The following SLC25A21 variants were observed in gnomAD, a reference collection of about 807,000 sequenced individuals.
SLC25A21 encodes solute carrier family 25 member 21, also known as mitochondrial 2-oxodicarboxylate carrier.
In SLC25A21, 47 loss-of-function variants were observed where a neutral mutation model predicts 43.8. That is an observed-to-expected ratio of 1.07 (90% confidence interval 0.85 to 1.37). SLC25A21 has a LOEUF of 1.37. Ranked by LOEUF, SLC25A21 falls within the 40% of genes most tolerant of loss-of-function variation. SLC25A21 has a pLI of 0.00. For synonymous variants in SLC25A21, 131 were observed against 121.3 expected (o/e 1.08, Z -0.52); for missense variants, 352 against 350.2 (o/e 1.00, Z -0.04).
At chr14:37,032,617 G>A (rs1218379340) in intron 1 of SLC25A21, among the ~76,000 whole-genome samples, 1 of 136,272 alleles carries the variant, frequency 7.3e-6, no homozygotes, top group East Asian at 2.1e-4. Context: ...GTTGCAGTGA[G>A]CCAAGATCAT....
intron 1 of SLC25A21, among the ~76,000 whole-genome samples, chr14:36,977,365 G>C (rs957197729): frequency 6.6e-6 from 1 of 152,260 alleles, no homozygotes; most frequent in South Asian, 2.1e-4. Flanking sequence ...AGGCCCCCCT[G>C]TACATAGTAA....
intron 1 of SLC25A21, among the ~76,000 whole-genome samples, chr14:37,153,825 C>T (rs1351150069): frequency 2.0e-5 from 3 of 152,162 alleles, no homozygotes; most frequent in African/African-American, 4.8e-5. Context: ...CCCAGGGTCT[C>T]GACTGCTATC....
chr14:37,008,844 T>A (rs1960667175), intron 1 of SLC25A21, among the ~76,000 whole-genome samples: 1 of 152,192 alleles, frequency 6.6e-6, no homozygotes, highest in Non-Finnish European at 1.5e-5. Flanking sequence ...TAATTTTGTA[T>A]CAAAAGACTA....
chr14:37,083,946 C>A (rs1397092152), intron 1 of SLC25A21, among the ~76,000 whole-genome samples: 2 of 152,196 alleles, frequency 1.3e-5, no homozygotes, highest in Admixed American at 6.6e-5. Context: ...TCACCGTTGA[C>A]TTTTTGGTCG....
chr14:37,151,019 T>TTC (rs367625540), intron 1 of SLC25A21, among the ~76,000 whole-genome samples: 26 of 150,680 alleles, frequency 1.7e-4, no homozygotes, highest in South Asian at 4.2e-4. Context: ...CATTGGTAGG[T>TTC]TCTCTCTCTC....
At chr14:36,699,493 A>T (rs1354969057) in intron 7 of SLC25A21, among the ~76,000 whole-genome samples, 1 of 152,222 alleles carries the variant, frequency 6.6e-6, no homozygotes, top group East Asian at 1.9e-4. Context: ...GCTGTCAGAC[A>T]GGGACATTTA....
chr14:36,973,905 T>TA (rs553506942), intron 1 of SLC25A21, among the ~76,000 whole-genome samples: 104 of 151,786 alleles, frequency 6.9e-4, no homozygotes, highest in Middle Eastern at 3.4e-3. Context: ...AATTTTCAAA[T>TA]AAAAAAAATT....
chr14:36,941,562 G>A (rs79950745), intron 1 of SLC25A21, among the ~76,000 whole-genome samples: 6,609 of 151,612 alleles, frequency 0.044, 288 homozygotes, highest in Middle Eastern at 0.14. Context: ...AGTATTTTCC[G>A]CACAGAAAAT....
intron 1 of SLC25A21, among the ~76,000 whole-genome samples, chr14:37,058,434 A>C (rs375275815): frequency 3.3e-5 from 5 of 152,346 alleles, no homozygotes; most frequent in East Asian, 1.9e-4. Context: ...ATATAAAATA[A>C]TGAAAGCATC....
intron 1 of SLC25A21, among the ~76,000 whole-genome samples, chr14:37,021,899 C>A (rs1014982708): frequency 3.3e-5 from 5 of 151,860 alleles, no homozygotes; most frequent in African/African-American, 1.2e-4. Flanking sequence ...ACAAGCCCAA[C>A]AAAGTGTATC....
intron 1 of SLC25A21, among the ~76,000 whole-genome samples, chr14:36,994,100 A>G (rs967314844): frequency 7.2e-5 from 11 of 152,182 alleles, no homozygotes; most frequent in Non-Finnish European, 5.9e-5. Flanking sequence ...CTTTCTAGTA[A>G]CAGATTTATC....
At chr14:36,922,979 C>G (rs1892023791) in intron 1 of SLC25A21, among the ~76,000 whole-genome samples, 1 of 151,968 alleles carries the variant, frequency 6.6e-6, no homozygotes, top group African/African-American at 2.4e-5. Context: ...GACGCAGACC[C>G]AGGAGAAAAA....
At chr14:36,967,744 T>G (rs1023280935) in intron 1 of SLC25A21, among the ~76,000 whole-genome samples, 1 of 152,136 alleles carries the variant, frequency 6.6e-6, no homozygotes, top group African/African-American at 2.4e-5. Flanking sequence ...GGAGGTACAA[T>G]GATGAAGATT....
chr14:36,977,709 T>C (rs928583356), intron 1 of SLC25A21, among the ~76,000 whole-genome samples: 12 of 152,198 alleles, frequency 7.9e-5, no homozygotes, highest in African/African-American at 2.7e-4. Flanking sequence ...TACGACACTA[T>C]TATTTATATC....
At chr14:37,058,694 T>C (rs1479487670) in intron 1 of SLC25A21, among the ~76,000 whole-genome samples, 1 of 152,198 alleles carries the variant, frequency 6.6e-6, no homozygotes, top group Non-Finnish European at 1.5e-5. Flanking sequence ...CCAAATGAAT[T>C]TGGGGACTCT....
chr14:37,155,429 C>T lies in SLC25A21; in HGVS notation c.70+16852G>A, dbSNP rs551116651. On this transcript the variant is annotated intron_variant, in intron 1 of 9. Coordinates refer to ENST00000331299, the MANE Select transcript of SLC25A21 (RefSeq NM_030631.4). The stretch of plus-strand genomic sequence containing the variant: ...AGTCTAGCAAGAGGATATTCAGATA[C>T]AGGTGGCTCAACAATACCTAGGAAG... Among the ~76,000 whole-genome samples, 5 of 152,266 alleles carry T rather than the reference C, an allele frequency of 3.3e-5. No homozygotes were observed. The East Asian group carries it at 9.7e-4, about 29-fold the overall frequency.
intron 3 of SLC25A21, among the ~76,000 whole-genome samples, chr14:36,809,744 C>G (rs1164347208): frequency 6.6e-6 from 1 of 152,100 alleles, no homozygotes; most frequent in East Asian, 1.9e-4. Context: ...GACAAGCTCT[C>G]AAAACCTTTA....
intron 3 of SLC25A21, among the ~76,000 whole-genome samples, chr14:36,772,555 G>C (rs1438794364): frequency 6.6e-6 from 1 of 152,152 alleles, no homozygotes; most frequent in African/African-American, 2.4e-5. Context: ...GTGCTTATGT[G>C]AAGAGCAGAG....
intron 2 of SLC25A21, among the ~76,000 whole-genome samples, chr14:36,828,099 GCAATGTGAGGTCTTCTGGGA>G (rs2138474562): frequency 8.0e-6 from 1 of 125,614 alleles, no homozygotes; most frequent in Non-Finnish European, 1.8e-5. Context: ...ATCATGTGTG[GCAATGTGAGGTCTTCTGGGA>G]CCATGTGAGG....
Sources: allele counts gnomAD v4.1 joint callset (sites outside exome capture counted in the v4.1 genomes callset), GRCh38; gene constraint gnomAD v4.1.1; transcripts MANE v1.5; gene names NCBI Gene and HGNC (gene_info 2026-07-23, HGNC 2026-07-21).